The following ZNF254 variants were observed in gnomAD, a reference collection of about 807,000 sequenced individuals.
ZNF254 encodes the protein zinc finger protein 254, also known as CTD-2017D11.1.
ZNF254 carries 10 observed loss-of-function variants against 12.4 expected under a neutral mutation model. The observed-to-expected ratio is 0.80, with a 90% CI of 0.50 to 1.36. The LOEUF is 1.36. Among genes scored for constraint, ZNF254 ranks in the 40% most tolerant of loss-of-function variants. ZNF254 has a pLI of 0.00. For missense variants in ZNF254, 996 were observed against 763.9 expected (o/e 1.30, Z -3.58); for synonymous variants, 305 against 253.4 (o/e 1.20, Z -1.93).
intron 3 of ZNF254, among the ~76,000 whole-genome samples, chr19:24,118,156 C>G (rs1398386810): frequency 6.6e-6 from 1 of 151,428 alleles, no homozygotes; most frequent in Non-Finnish European, 1.5e-5. Flanking sequence ...GGGTTTCAAG[C>G]GATTCTCCTG....
At chr19:24,110,868 T>C (rs1396211929) in intron 3 of ZNF254, among the ~76,000 whole-genome samples, 2 of 152,088 alleles carry the variant, frequency 1.3e-5, no homozygotes, top group Non-Finnish European at 2.9e-5. Context: ...TTTTTTTCAC[T>C]GTTAAATATT....
chr19:24,123,603 CACCT>C (rs1974632230), intron 3 of ZNF254, among the ~76,000 whole-genome samples: 1 of 152,118 alleles, frequency 6.6e-6, no homozygotes, highest in South Asian at 2.1e-4. Context: ...CACACACACA[CACCT>C]GCGTGCGTGC....
chr19:24,099,867 C>T (rs1972904220), intron 1 of ZNF254, among the ~76,000 whole-genome samples: 1 of 152,128 alleles, frequency 6.6e-6, no homozygotes, highest in Non-Finnish European at 1.5e-5. Flanking sequence ...TGTGGTTTCT[C>T]TGGGGCTGAA....
At chr19:24,115,058 C>T (rs1433787633) in intron 3 of ZNF254, among the ~76,000 whole-genome samples, 1 of 152,198 alleles carries the variant, frequency 6.6e-6, no homozygotes, top group Non-Finnish European at 1.5e-5. Flanking sequence ...GAAATAGGAA[C>T]ACTTTTACAC....
At chr19:24,117,906 G>T (rs950390618) in intron 3 of ZNF254, among the ~76,000 whole-genome samples, 5 of 151,734 alleles carry the variant, frequency 3.3e-5, no homozygotes, top group Admixed American at 1.3e-4. Context: ...AAGGTCTTTT[G>T]TTGCATATTT....
At chr19:24,103,927 G>C (rs1010369156) in intron 1 of ZNF254, 1 of 152,314 alleles carries the variant, frequency 6.6e-6, no homozygotes, top group East Asian at 1.9e-4. Context: ...GTTTCACTCT[G>C]TTGGCCAGGC....
chr19:24,049,214 A>ATATTTTTTTT (rs1160333151), intron 2 of ZNF254, among the ~76,000 whole-genome samples: 3 of 40,864 alleles, frequency 7.3e-5, no homozygotes, highest in East Asian at 4.7e-4. Context: ...ATATATATAT[A>ATATTTTTTTT]TTTTTTTTTT....
upstream of ZNF254, among the ~76,000 whole-genome samples, chr19:24,086,481 T>TC (rs1972044883): frequency 6.6e-6 from 1 of 151,416 alleles, no homozygotes; most frequent in African/African-American, 2.4e-5. Context: ...AATTTTTTTT[T>TC]CTTTTATTTT....
At chr19:24,043,300 C>CA (rs1340379837) in intron 1 of ZNF254, among the ~76,000 whole-genome samples, 2 of 151,196 alleles carry the variant, frequency 1.3e-5, no homozygotes, top group African/African-American at 4.9e-5. Context: ...CTTACTTTGT[C>CA]GCCCAGGCTA....
At chr19:24,039,944 G>A (rs1309440407) in intron 1 of ZNF254, among the ~76,000 whole-genome samples, 1 of 152,226 alleles carries the variant, frequency 6.6e-6, no homozygotes, top group African/African-American at 2.4e-5. Flanking sequence ...AGTACTACAT[G>A]TTTTGGTTAA....
intron 3 of ZNF254, 93 bp downstream of exon 3, chr19:24,106,736 C>A: frequency 8.7e-7 from 1 of 1,146,486 alleles, no homozygotes; most frequent in South Asian, 1.5e-5. Context: ...AGCTGTGATC[C>A]AAAGGAAATA....
chr19:24,091,471 C>T (rs1418357795), intron 1 of ZNF254, among the ~76,000 whole-genome samples: 2 of 151,880 alleles, frequency 1.3e-5, no homozygotes, highest in Admixed American at 6.6e-5. Context: ...CATCTTTGTT[C>T]TATATCCTGT....
At chr19:24,058,413 C>CT (rs574813499) in intron 2 of ZNF254, among the ~76,000 whole-genome samples, 420 of 123,870 alleles carry the variant, frequency 3.4e-3, no homozygotes, top group Admixed American at 4.9e-3. Flanking sequence ...TTCTTTCTTT[C>CT]TTTTTTTTTT....
chr19:24,075,139 TA>T (rs1325800035), intron 2 of ZNF254, among the ~76,000 whole-genome samples: 1 of 152,242 alleles, frequency 6.6e-6, no homozygotes, highest in Non-Finnish European at 1.5e-5. Context: ...ACTCTCTTCT[TA>T]TGACTGGAAC....
chr19:24,099,000 T>TTTTTG (rs1972838979), intron 1 of ZNF254: 1 of 131,036 alleles, frequency 7.6e-6, no homozygotes. Flanking sequence ...TTTTTTTTTT[T>TTTTTG]TTTTTTTTTT....
intron 3 of ZNF254, among the ~76,000 whole-genome samples, chr19:24,124,790 A>G (rs1214572250): frequency 6.7e-6 from 1 of 150,368 alleles, no homozygotes; most frequent in Non-Finnish European, 1.5e-5. Flanking sequence ...TTTTTTGGAA[A>G]CAAGAGTCTC....
At chr19:24,052,354 A>G (rs1223762175) in intron 2 of ZNF254, among the ~76,000 whole-genome samples, 1 of 152,184 alleles carries the variant, frequency 6.6e-6, no homozygotes, top group East Asian at 1.9e-4. Flanking sequence ...TGTTTCTGGC[A>G]TATTTTGGGT....
At chr19:24,101,827 C>A (rs73021432) in intron 1 of ZNF254, among the ~76,000 whole-genome samples, 1 of 152,052 alleles carries the variant, frequency 6.6e-6, no homozygotes, top group African/African-American at 2.4e-5. Context: ...GTCAGGCTGA[C>A]AAGAGTGGGC....
At chr19:24,110,524 C>T (rs1973603715) in intron 3 of ZNF254, among the ~76,000 whole-genome samples, 1 of 151,756 alleles carries the variant, frequency 6.6e-6, no homozygotes, top group Non-Finnish European at 1.5e-5. Context: ...CATAATTGTG[C>T]CATTGCGTGC....
Sources: gnomAD v4.1 joint callset for allele counts (sites outside exome capture counted in the v4.1 genomes callset) on GRCh38, gnomAD v4.1.1 for gene constraint, MANE v1.5 for transcripts, NCBI Gene and HGNC (gene_info 2026-07-23, HGNC 2026-07-21) for gene names.